ARHGAP42: variants seen among roughly 807,000 people sequenced by gnomAD.
ARHGAP42 encodes Rho GTPase activating protein 42, also known as rho GTPase-activating protein 42.
In ARHGAP42, 63 loss-of-function variants were observed where a neutral mutation model predicts 125.0. That is an observed-to-expected ratio of 0.50 (90% CI 0.41 to 0.62). ARHGAP42 has a LOEUF of 0.62. Among genes scored for constraint, ARHGAP42 ranks in the 20% least tolerant of loss-of-function variants. The pLI is 0.00. For synonymous variants in ARHGAP42, 339 were observed against 351.0 expected (o/e 0.97, Z 0.38); for missense variants, 766 against 1,024.2 (o/e 0.75, Z 3.44).
chr11:100,770,511 A>T, intron 2 of ARHGAP42, 73 bp downstream of exon 2: 1 of 1,005,368 alleles, frequency 9.9e-7, no homozygotes, highest in Non-Finnish European at 1.4e-6. Flanking sequence ...ACACACCTAA[A>T]TAATAAACAT....
At chr11:100,838,929 A>G (rs1325622102) in intron 3 of ARHGAP42, among the ~76,000 whole-genome samples, 1 of 151,924 alleles carries the variant, frequency 6.6e-6, no homozygotes, top group Admixed American at 6.6e-5. Context: ...ACTAACTTCC[A>G]CCATTGAAAC....
At chr11:100,702,014 G>T (rs1861405233) in intron 1 of ARHGAP42, among the ~76,000 whole-genome samples, 1 of 151,956 alleles carries the variant, frequency 6.6e-6, no homozygotes, top group South Asian at 2.1e-4. Flanking sequence ...GCTGGGCATG[G>T]TATATTACAC....
chr11:100,937,735 AT>A (rs1367513239), intron 8 of ARHGAP42, among the ~76,000 whole-genome samples: 1 of 152,228 alleles, frequency 6.6e-6, no homozygotes, highest in Non-Finnish European at 1.5e-5. Context: ...ACAATATTTT[AT>A]TCTAAACAGG....
At chr11:100,726,080 T>TA (rs34713091) in intron 1 of ARHGAP42, among the ~76,000 whole-genome samples, 40,733 of 125,348 alleles carry the variant, frequency 0.32, 6,863 homozygotes, top group African/African-American at 0.46. Flanking sequence ...CTTGTCTCTC[T>TA]AAAAAAAAAA....
intron 6 of ARHGAP42, among the ~76,000 whole-genome samples, chr11:100,929,221 C>T (rs942259321): frequency 3.9e-5 from 6 of 152,082 alleles, no homozygotes; most frequent in African/African-American, 1.2e-4. Context: ...CTAGATCCCT[C>T]GCAGGCACAG....
At chr11:100,734,358 C>T (rs1027502633) in intron 1 of ARHGAP42, among the ~76,000 whole-genome samples, 2 of 152,100 alleles carry the variant, frequency 1.3e-5, no homozygotes, top group African/African-American at 2.4e-5. Flanking sequence ...TGGCTCACCA[C>T]AACCTCTGCC....
chr11:100,689,635 A>G (rs1565529388), intron 1 of ARHGAP42, among the ~76,000 whole-genome samples: 1 of 152,232 alleles, frequency 6.6e-6, no homozygotes, highest in Non-Finnish European at 1.5e-5. Flanking sequence ...TTGGGAGCGT[A>G]GGCTCTTTGA....
intron 17 of ARHGAP42, among the ~76,000 whole-genome samples, chr11:100,967,981 C>G (rs1264667749): frequency 6.6e-6 from 1 of 152,166 alleles, no homozygotes; most frequent in Non-Finnish European, 1.5e-5. Flanking sequence ...CTCAACATCC[C>G]AAAGTACTGG....
chr11:100,932,878 C>G (rs1377578291), intron 6 of ARHGAP42, among the ~76,000 whole-genome samples: 1 of 152,102 alleles, frequency 6.6e-6, no homozygotes, highest in African/African-American at 2.4e-5. Flanking sequence ...GTGGTCTCTT[C>G]TGGATATTTC....
intron 12 of ARHGAP42, 57 bp from the exon 13 acceptor site, chr11:100,959,826 G>A: frequency 6.7e-7 from 1 of 1,488,054 alleles, no homozygotes; most frequent in Non-Finnish European, 9.2e-7. Flanking sequence ...AGAGCCAACT[G>A]AAGGGGGAAT....
intron 4 of ARHGAP42, among the ~76,000 whole-genome samples, chr11:100,870,475 T>C (rs1246751432): frequency 6.6e-6 from 1 of 152,256 alleles, no homozygotes; most frequent in East Asian, 1.9e-4. Context: ...TAAATGTATT[T>C]CATGATACCT....
intron 4 of ARHGAP42, among the ~76,000 whole-genome samples, chr11:100,868,077 A>G (rs1031062531): frequency 6.6e-6 from 1 of 152,250 alleles, no homozygotes; most frequent in Non-Finnish European, 1.5e-5. Context: ...GCAGATCACC[A>G]TGACAAATAT....
At chr11:100,859,473 C>T (rs1378653111) in intron 3 of ARHGAP42, 81 bp from the exon 4 acceptor site, 1 of 1,169,768 alleles carries the variant, frequency 8.5e-7, no homozygotes, top group Non-Finnish European at 1.2e-6. Context: ...CTATTTGATA[C>T]ATTGGATAAA....
intron 2 of ARHGAP42, among the ~76,000 whole-genome samples, chr11:100,775,259 G>A (rs912690406): frequency 2.6e-5 from 4 of 152,160 alleles, no homozygotes; most frequent in African/African-American, 9.7e-5. Flanking sequence ...AAGACATTGA[G>A]TTAGGAGTAC....
At chr11:100,724,267 G>A (rs954236257) in intron 1 of ARHGAP42, among the ~76,000 whole-genome samples, 1 of 152,030 alleles carries the variant, frequency 6.6e-6, no homozygotes, top group African/African-American at 2.4e-5. Flanking sequence ...GGGAGATATT[G>A]GTCTGTAGTT....
At chr11:100,867,525 C>T (rs1434529887) in intron 4 of ARHGAP42, among the ~76,000 whole-genome samples, 1 of 152,240 alleles carries the variant, frequency 6.6e-6, no homozygotes, top group Non-Finnish European at 1.5e-5. Context: ...TTATTTCTCT[C>T]AGCCTTCATG....
chr11:100,900,946 C>T (rs551046577), intron 4 of ARHGAP42, among the ~76,000 whole-genome samples: 2 of 152,158 alleles, frequency 1.3e-5, no homozygotes, highest in South Asian at 2.1e-4. Context: ...CGAGGAGCTG[C>T]GATCTTTTGG....
chr11:100,965,663 T>C lies in ARHGAP42; in HGVS notation c.1445-8T>C. ...ACTTGAGCATTTGCAATCTTTTTTA[T>C]GTAACAGAATCTGATGATCAAAACT... On this transcript the variant is annotated splice_region_variant and splice_polypyrimidine_tract_variant and intron_variant, in intron 16 of 23. Transcript: ENST00000298815. The C allele has an allele frequency of 6.5e-7, 1 of 1,548,682 alleles. No individual in the cohort carries two copies. The highest frequency in any genetic ancestry group is 8.7e-7 in the Non-Finnish European group (1 of 1,145,750).
intron 3 of ARHGAP42, among the ~76,000 whole-genome samples, chr11:100,850,743 A>C (rs1271096216): frequency 2.0e-5 from 3 of 152,086 alleles, no homozygotes; most frequent in Non-Finnish European, 2.9e-5. Flanking sequence ...ACTTCTTTAT[A>C]CTTAAACTTA....
Sources: allele counts gnomAD v4.1 joint callset (sites outside exome capture counted in the v4.1 genomes callset), GRCh38; gene constraint gnomAD v4.1.1; transcripts MANE v1.5; gene names NCBI Gene and HGNC (gene_info 2026-07-23, HGNC 2026-07-21).